The following DROSHA variants were observed in gnomAD, a reference collection of about 807,000 sequenced individuals.
DROSHA encodes drosha ribonuclease III, also known as ribonuclease 3.
A neutral mutation model predicts 181.9 loss-of-function variants in DROSHA; 56 were observed. The ratio of observed to expected loss-of-function variants is 0.31; its 90% CI spans 0.25 to 0.38. The LOEUF (loss-of-function observed/expected upper bound fraction) is 0.38, where lower values mean the gene tolerates loss of function less well. Ranked by LOEUF, DROSHA falls within the 10% of genes least tolerant of loss-of-function variation. The pLI is 1.00. For synonymous variants in DROSHA, 524 were observed against 591.2 expected (o/e 0.89, Z 1.65); for missense variants, 1,218 against 1,743.5 (o/e 0.70, Z 5.37).
Position 31,415,533 on chromosome 5 carries a change from G to T in DROSHA, c.3526-4646C>A, listed in dbSNP as rs16901115. The stretch of plus-strand genomic sequence containing the variant: ...ATACCTGTTTGTCTGAATGATTTAT[G>T]CTCAGTGCTGTGTGGAAGCATCAGG... On this transcript the variant is annotated intron_variant, in intron 30 of 35. Coordinates refer to ENST00000344624, the MANE Select transcript of DROSHA (RefSeq NM_001382508.1). Among the ~76,000 whole-genome samples, 2,253 of 152,268 alleles carry T rather than the reference G, an allele frequency of 0.015. 129 individuals are homozygous for T. In the East Asian group the frequency reaches 0.21, roughly 14 times the overall value.
chr5:31,483,677 A>G (rs781726233), intron 15 of DROSHA, 49 bp from the exon 16 acceptor site: 3 of 1,529,964 alleles, frequency 2.0e-6, no homozygotes, highest in Admixed American at 2.2e-5. Flanking sequence ...ACTCAGTCTT[A>G]AAAAACAAGC....
intron 20 of DROSHA, among the ~76,000 whole-genome samples, chr5:31,453,898 G>A (rs1277244047): frequency 3.3e-5 from 5 of 150,320 alleles, no homozygotes; most frequent in African/African-American, 1.2e-4. Context: ...CTTTATGTCT[G>A]GCATCTTTAT....
chr5:31,422,373 G>A (rs183618174), intron 29 of DROSHA, among the ~76,000 whole-genome samples: 2 of 152,118 alleles, frequency 1.3e-5, no homozygotes, highest in Admixed American at 6.5e-5. Context: ...TCCAGCCCAC[G>A]GACTGTTTCT....
chr5:31,483,533 C>G, intron 16 of DROSHA, 21 bp downstream of exon 16: 1 of 1,611,012 alleles, frequency 6.2e-7, no homozygotes, highest in Non-Finnish European at 8.5e-7. Context: ...CACCAGGTCA[C>G]TGACAAGCCA....
At chr5:31,489,168 G>A (rs1752113028) in intron 13 of DROSHA, 1 of 152,148 alleles carries the variant, frequency 6.6e-6, no homozygotes, top group Admixed American at 6.5e-5. Flanking sequence ...ATGCATGGGT[G>A]GAAATGAACT....
At chr5:31,420,097 G>A (rs987146387) in intron 30 of DROSHA, among the ~76,000 whole-genome samples, 7 of 152,152 alleles carry the variant, frequency 4.6e-5, no homozygotes, top group Non-Finnish European at 1.0e-4. Context: ...AAACAGCCAA[G>A]TCACCATATT....
rs148207978 is a variant in DROSHA at position 31,505,510 on chromosome 5, G to T, written c.1588-875C>A. 2.2e-4 allele frequency among the ~76,000 whole-genome samples: 33 copies of T among 152,312 alleles called. No homozygotes were observed. In the East Asian group the frequency reaches 6.2e-3, roughly 28 times the overall value. Reference sequence around the variant, plus strand: ...CGTCTAAATAAAATGGACCATTTATGTGGGGGAAAAGACCAAAAGAAGCAG... The same window carrying T: ...CGTCTAAATAAAATGGACCATTTATTTGGGGGAAAAGACCAAAAGAAGCAG... On this transcript the variant is annotated intron_variant, in intron 10 of 35. Transcript: ENST00000344624.
In DROSHA at chr5:31,435,836, G is replaced by T. The variant is rs1431457323; in HGVS notation, c.2971C>A (p.Leu991Met). Reference sequence around the variant, plus strand: ...TAGGTTGCTAATCCTCCTTCTTCCAGACTAGGAAACAAATAGTACAAATGG... The same window carrying T: ...TAGGTTGCTAATCCTCCTTCTTCCATACTAGGAAACAAATAGTACAAATGG... ...SVHLYYLFPS[L>M]EEGGLATYRT... Residue 991 changes from leucine to methionine, a missense_variant, in exon 25 of 36, where the codon CTG becomes ATG. Transcript: ENST00000344624. 5 of 1,612,690 alleles carry T rather than the reference G, an allele frequency of 3.1e-6. No homozygotes were observed. The Admixed American group carries it at 6.7e-5, about 22-fold the overall frequency.
chr5:31,513,643 A>T (rs1336655191), intron 8 of DROSHA, among the ~76,000 whole-genome samples: 1 of 152,200 alleles, frequency 6.6e-6, no homozygotes, highest in Non-Finnish European at 1.5e-5. Context: ...AAAACACAGA[A>T]ATCTCCTTTC....
intron 5 of DROSHA, among the ~76,000 whole-genome samples, chr5:31,524,243 G>A (rs1344447962): frequency 6.6e-6 from 1 of 152,146 alleles, no homozygotes; most frequent in Non-Finnish European, 1.5e-5. Context: ...TCTCTTCAGT[G>A]CAGAGAATGA....
chr5:31,464,250 A>T lies in DROSHA; in HGVS notation c.2560T>A (p.Ser854Thr). 1 of 1,613,494 alleles carries T rather than the reference A, an allele frequency of 6.2e-7. No homozygotes were observed. The highest frequency in any genetic ancestry group is 8.5e-7 in the Non-Finnish European group (1 of 1,179,640). Residue 854 changes from serine to threonine, a missense_variant, in exon 20 of 36, where the codon TCT becomes ACT. Physicochemically the swap from Ser to Thr is moderately conservative, Grantham distance 58. Coordinates refer to ENST00000344624, the MANE Select transcript of DROSHA (RefSeq NM_001382508.1). Reference protein sequence around the residue: ...SQGFWKTGIRSDVCQHAMMLP... With the variant: ...SQGFWKTGIRTDVCQHAMMLP... ...AGTCTCCCCACCTGACAGACATCAG[A>T]ACGGATGCCAGTTTTCCAGAATCCT...
intron 20 of DROSHA, among the ~76,000 whole-genome samples, chr5:31,458,807 T>C (rs757580154): frequency 2.2e-4 from 34 of 152,234 alleles, no homozygotes; most frequent in Non-Finnish European, 4.0e-4. Flanking sequence ...CAACCAGTGA[T>C]ACTGGGCAGT....
chr5:31,422,974 A>AT (rs1392964696), intron 28 of DROSHA, 30 bp from the exon 29 acceptor site: 2 of 1,468,906 alleles, frequency 1.4e-6, no homozygotes, highest in Non-Finnish European at 1.8e-6. Flanking sequence ...AATAAAAATC[A>AT]TTTTTTCATT....
intron 14 of DROSHA, 130 bp from the exon 15 acceptor site, chr5:31,485,092 AAG>A: frequency 1.6e-6 from 1 of 611,910 alleles, no homozygotes. Context: ...TAGTTTCCTG[AAG>A]AGTTTGGCCA....
chr5:31,426,920 A>G (rs112112162), intron 27 of DROSHA, among the ~76,000 whole-genome samples: 58 of 152,306 alleles, frequency 3.8e-4, no homozygotes, highest in African/African-American at 1.4e-3. Context: ...GTAGGGTAGC[A>G]ATTCAAGAAA....
intron 10 of DROSHA, among the ~76,000 whole-genome samples, chr5:31,506,765 AAT>A (rs1247338432): frequency 2.6e-5 from 4 of 152,104 alleles, no homozygotes; most frequent in Non-Finnish European, 5.9e-5. Flanking sequence ...TGTGATGAAA[AAT>A]ATAAAAAATT....
intron 20 of DROSHA, among the ~76,000 whole-genome samples, chr5:31,453,247 G>C (rs998126163): frequency 6.6e-6 from 1 of 152,132 alleles, no homozygotes; most frequent in African/African-American, 2.4e-5. Flanking sequence ...CCAGGCTAGA[G>C]TGCAGTGACA....
At position 31,486,472 on chromosome 5, in the gene DROSHA, A is replaced by C; in HGVS notation, c.1914+19T>G. 1 of 1,576,628 alleles carries C rather than the reference A, an allele frequency of 6.3e-7. No individual in the cohort carries two copies. Among genetic ancestry groups the C allele is most frequent in the East Asian group, 2.3e-5 (1 of 42,638 alleles). On this transcript the variant is annotated intron_variant, in intron 14 of 35. Transcript: ENST00000344624. ...AAAAGAGCAAACTACATCAAACCAC[A>C]CACAATCTTTTCCCTTACCTCCGGC...
intron 23 of DROSHA, among the ~76,000 whole-genome samples, chr5:31,438,478 A>G (rs905290118): frequency 4.6e-5 from 7 of 152,202 alleles, no homozygotes; most frequent in African/African-American, 7.2e-5. Flanking sequence ...AAGCTAAGTG[A>G]AAGAAAAGAA....
Sources: allele counts gnomAD v4.1 joint callset (sites outside exome capture counted in the v4.1 genomes callset), GRCh38; gene constraint gnomAD v4.1.1; transcripts MANE v1.5; gene names NCBI Gene and HGNC (gene_info 2026-07-23, HGNC 2026-07-21).